Variants in OR2A25 observed in about 807,000 individuals in gnomAD.
OR2A25 encodes the protein olfactory receptor family 2 subfamily A member 25.
For missense variants in OR2A25, 362 were observed against 368.3 expected (o/e 0.98, Z 0.14); for synonymous variants, 162 against 148.1 (o/e 1.09, Z -0.68).
chr7:144,075,015 C>T lies in OR2A25; in HGVS notation c.796C>T (p.Pro266Ser), dbSNP rs1395954638. The T allele has an allele frequency of 6.2e-7, 1 of 1,614,094 alleles. No individual in the cohort carries two copies. Among genetic ancestry groups the T allele is most frequent in the South Asian group, 1.1e-5 (1 of 91,076 alleles). ...GTATGTTGAGCCCCAGTATGAGAGC[C>T]CCAAGGAGCAGAAGAAATATCTCCT... ...IMYVEPQYES[P>S]KEQKKYLLLF... The change falls in exon 2 of 2, where the codon CCC becomes TCC. Residue 266 changes from proline (P) to serine (S), a missense_variant. By Grantham distance (74) the Pro-to-Ser change is moderately conservative. Coordinates refer to ENST00000641663, the MANE Select transcript of OR2A25 (RefSeq NM_001386096.1).
rs11409595 is a variant in OR2A25 at position 144,075,830 on chromosome 7, C to CA, written c.*692dup. 64,854 of 127,102 alleles carry CA rather than the reference C, an allele frequency of 0.51. 15,921 individuals are homozygous for CA. The highest frequency in any genetic ancestry group is 0.63 in the African/African-American group (21,702 of 34,540). 7.9% of individuals were successfully genotyped at this position (127,102 alleles called of 1,614,324 possible). A position where few individuals can be genotyped will look rare whatever the true frequency, so the allele number is the denominator to read the frequency against. The stretch of plus-strand genomic sequence containing the variant: ...TGGGGGACACAGCGAGACTCCGTCT[C>CA]AAAAAAAAAAAAAAGAAAGTGTCAT... On this transcript the variant is annotated 3_prime_UTR_variant, in exon 2 of 2. Transcript: ENST00000641663.
At chr7:144,072,412 T>G (rs1167404136) in intron 1 of OR2A25, among the ~76,000 whole-genome samples, 1 of 152,098 alleles carries the variant, frequency 6.6e-6, no homozygotes, top group African/African-American at 2.4e-5. Flanking sequence ...ACATGATAGT[T>G]AAGAAGCTAT....
chr7:144,070,099 G>A (rs1024410927), intron 1 of OR2A25, among the ~76,000 whole-genome samples: 12 of 152,080 alleles, frequency 7.9e-5, no homozygotes, highest in African/African-American at 2.4e-4. Context: ...TACAGGGAGA[G>A]CCCTTTTCCC....
At chr7:144,070,632 G>T (rs1248497396) in intron 1 of OR2A25, among the ~76,000 whole-genome samples, 1 of 151,738 alleles carries the variant, frequency 6.6e-6, no homozygotes, top group Admixed American at 6.6e-5. Context: ...TTGTTTGTGG[G>T]GGGTTGCCTC....
Position 144,074,296 on chromosome 7 carries a change from T to C in OR2A25, c.77T>C (p.Leu26Pro). 6.2e-7 allele frequency: 1 copy of C among 1,614,022 alleles called. No individual in the cohort carries two copies. The highest frequency in any genetic ancestry group is 8.5e-7 in the Non-Finnish European group (1 of 1,179,906). Reference protein sequence around the residue: ...FPIGPRIQMLLFGLFSLFYIF... With the variant: ...FPIGPRIQMLPFGLFSLFYIF... ...ATTGGCCCAAGGATTCAGATGCTCC[T>C]CTTTGGGCTCTTCTCCCTGTTCTAC... Residue 26 changes from leucine (L) to proline (P), a missense_variant, in exon 2 of 2, where the codon CTC (leucine) becomes CCC (proline). Leu to Pro is a moderately conservative substitution (Grantham distance 98). Coordinates refer to ENST00000641663, the MANE Select transcript of OR2A25 (RefSeq NM_001386096.1).
Position 144,074,693 on chromosome 7 carries a change from T to G in OR2A25, c.474T>G (p.His158Gln), listed in dbSNP as rs376429492. 96 of 1,614,142 alleles carry G rather than the reference T, an allele frequency of 5.9e-5. 1 individual carries two copies. The African/African-American group carries it at 8.4e-4, about 14-fold the overall frequency. ...TAGGAGTCTTATTGGCCCTTGTCCA[T>G]CTAGTGTTACTGCTACCACTGTCCT... ...WILGVLLALVHLVLLLPLSFC... is the reference protein window; with the variant it reads ...WILGVLLALVQLVLLLPLSFC... The change falls in exon 2 of 2, where the codon CAT (histidine) becomes CAG (glutamine). Residue 158 changes from histidine (H) to glutamine (Q), a missense_variant. Physicochemically the swap from His to Gln is conservative, Grantham distance 24. Transcript: ENST00000641663.
In OR2A25 at chr7:144,074,606, C is replaced by G. The variant is rs1036578698; in HGVS notation, c.387C>G (p.Leu129=). ...GGTACGTGGCCATCTGCCACCCTCT[C>G]CGATATTCTACCATCATGACCTGGA... is the stretch of plus-strand genomic sequence containing the variant. ...YDRYVAICHP[L]RYSTIMTWKV... Residue 129 remains leucine (L), a synonymous_variant, in exon 2 of 2, where the codon CTC becomes CTG. Transcript: ENST00000641663. 17 of 1,614,080 alleles carry G rather than the reference C, an allele frequency of 1.1e-5. No homozygotes were observed. In the African/African-American group the frequency reaches 1.5e-4, roughly 14 times the overall value.
rs202246988 is a variant in OR2A25 at position 144,074,917 on chromosome 7, G to T, written c.698G>T (p.Cys233Phe). Residue 233 changes from cysteine (C) to phenylalanine (F), a missense_variant, in exon 2 of 2, where the codon TGC (cysteine) becomes TTC (phenylalanine). By Grantham distance (205) the Cys-to-Phe change is radical. Coordinates refer to ENST00000641663, the MANE Select transcript of OR2A25 (RefSeq NM_001386096.1). ...AILKIQSGEG[C>F]QKAFSICSSH... ...CTAAAGATCCAGTCAGGAGAGGGGT[G>T]CCAGAAAGCCTTCTCCATCTGCTCC... is the stretch of plus-strand genomic sequence containing the variant. The T allele has an allele frequency of 8.7e-6, 14 of 1,613,930 alleles. No individual in the cohort carries two copies. The highest frequency in any genetic ancestry group is 1.2e-5 in the Non-Finnish European group (14 of 1,179,962).
At chr7:144,073,602 T>C (rs2128800253) in intron 1 of OR2A25, among the ~76,000 whole-genome samples, 1 of 152,272 alleles carries the variant, frequency 6.6e-6, no homozygotes, top group Middle Eastern at 3.4e-3. Context: ...AGACCCTCTA[T>C]GGGTACAAAA....
In OR2A25 at chr7:144,074,289, A is replaced by G. The variant is rs200844847; in HGVS notation, c.70A>G (p.Met24Val). The G allele has an allele frequency of 1.2e-6, 2 of 1,613,932 alleles. No homozygotes were observed. Among genetic ancestry groups the G allele is most frequent in the Non-Finnish European group, 8.5e-7 (1 of 1,179,880 alleles). Residue 24 changes from methionine to valine, a missense_variant, in exon 2 of 2, where the codon ATG (methionine) becomes GTG (valine). Met to Val is a conservative substitution (Grantham distance 21). Transcript: ENST00000641663. Reference protein sequence around the residue: ...LGFPIGPRIQMLLFGLFSLFY... With the variant: ...LGFPIGPRIQVLLFGLFSLFY... ...ATTTCCCATTGGCCCAAGGATTCAG[A>G]TGCTCCTCTTTGGGCTCTTCTCCCT... is the stretch of plus-strand genomic sequence containing the variant.
Position 144,074,525 on chromosome 7 carries a change from G to C in OR2A25, c.306G>C (p.Leu102=). 2 of 1,614,210 alleles carry C rather than the reference G, an allele frequency of 1.2e-6. No individual in the cohort carries two copies. The highest frequency in any genetic ancestry group is 1.3e-5 in the African/African-American group (1 of 75,052). ...SFAGCMTQMF[L]FLSFAHTECL... ...CTGGCTGCATGACCCAGATGTTTCT[G>C]TTTTTGAGTTTTGCACATACAGAAT... The change falls in exon 2 of 2, where the codon CTG becomes CTC. Residue 102 remains leucine, a synonymous_variant. Transcript: ENST00000641663.
intron 1 of OR2A25, among the ~76,000 whole-genome samples, chr7:144,073,169 C>A (rs1409425410): frequency 6.6e-6 from 1 of 151,886 alleles, no homozygotes. Flanking sequence ...ACCTAGTGTT[C>A]AATGGATTAG....
chr7:144,074,838 G>A lies in OR2A25; in HGVS notation c.619G>A (p.Val207Met). 1 of 1,614,188 alleles carries A rather than the reference G, an allele frequency of 6.2e-7. No individual in the cohort carries two copies. Among genetic ancestry groups the A allele is most frequent in the Non-Finnish European group, 8.5e-7 (1 of 1,180,042 alleles). ...TTTGGCAGGGGCAGTGTCTGTGCTGGTGGGAGCCTTCTTTTCCACTGTAAT... is the reference window on the plus strand; with the variant it reads ...TTTGGCAGGGGCAGTGTCTGTGCTGATGGGAGCCTTCTTTTCCACTGTAAT... ...MVLAGAVSVL[V>M]GAFFSTVISY... The change falls in exon 2 of 2, where the codon GTG becomes ATG. Residue 207 changes from valine (V) to methionine (M), a missense_variant. Transcript: ENST00000641663.
At chr7:144,070,658 C>T (rs994056169) in intron 1 of OR2A25, among the ~76,000 whole-genome samples, 2 of 151,792 alleles carry the variant, frequency 1.3e-5, no homozygotes, top group African/African-American at 4.8e-5. Flanking sequence ...TCTATTGCCT[C>T]ATGAAATTAA....
chr7:144,072,882 A>G (rs966924642), intron 1 of OR2A25, among the ~76,000 whole-genome samples: 6 of 152,216 alleles, frequency 3.9e-5, no homozygotes, highest in Non-Finnish European at 8.8e-5. Flanking sequence ...TGTGATATAT[A>G]TACACAATGG....
chr7:144,074,951 C>T lies in OR2A25; in HGVS notation c.732C>T (p.Leu244=). The T allele has an allele frequency of 6.2e-7, 1 of 1,614,150 alleles. No individual in the cohort carries two copies. The highest frequency in any genetic ancestry group is 8.5e-7 in the Non-Finnish European group (1 of 1,180,018). Residue 244 remains leucine, a synonymous_variant, in exon 2 of 2, where the codon CTC becomes CTT. Transcript: ENST00000641663. ...QKAFSICSSH[L]CVVGLFYGTA... is the part of the protein sequence containing the mutation. ...CCTTCTCCATCTGCTCCTCCCACCT[C>T]TGTGTGGTTGGACTCTTTTATGGCA...
chr7:144,074,395 A>T lies in OR2A25; in HGVS notation c.176A>T (p.Tyr59Phe), dbSNP rs2051091539. 2 of 1,613,968 alleles carry T rather than the reference A, an allele frequency of 1.2e-6. No individual in the cohort carries two copies. Among genetic ancestry groups the T allele is most frequent in the Admixed American group, 3.3e-5 (2 of 59,982 alleles). The stretch of plus-strand genomic sequence containing the variant: ...GACTCCAGACTCCACACCCCCATGT[A>T]CTTCTTCCTCTCACACCTGGCGGTC... Reference protein sequence around the residue: ...SLDSRLHTPMYFFLSHLAVVD... With the variant: ...SLDSRLHTPMFFFLSHLAVVD... Residue 59 changes from tyrosine to phenylalanine, a missense_variant, in exon 2 of 2, where the codon TAC becomes TTC. Transcript: ENST00000641663.
Position 144,075,195 on chromosome 7 carries a change from G to T in OR2A25, c.*43G>T. Reference sequence around the variant, plus strand: ...AAAATAGCTGGCTTCAAAGGGCTTTGAGATTACATCTGAACCCATCCCTAC... The same window carrying T: ...AAAATAGCTGGCTTCAAAGGGCTTTTAGATTACATCTGAACCCATCCCTAC... On this transcript the variant is annotated 3_prime_UTR_variant, in exon 2 of 2. Transcript: ENST00000641663. 7.2e-7 allele frequency: 1 copy of T among 1,390,930 alleles called. No homozygotes were observed. Among genetic ancestry groups the T allele is most frequent in the South Asian group, 1.3e-5 (1 of 77,986 alleles). 86.2% of individuals were successfully genotyped at this position (1,390,930 alleles called of 1,614,324 possible).
chr7:144,074,901 C>T lies in OR2A25; in HGVS notation c.682C>T (p.Gln228Ter), dbSNP rs1230889604. 6.2e-7 allele frequency: 1 copy of T among 1,614,094 alleles called. No homozygotes were observed. Among genetic ancestry groups the T allele is most frequent in the East Asian group, 2.2e-5 (1 of 44,876 alleles). The change falls in exon 2 of 2, where the codon CAG becomes TAG. Residue 228 changes from glutamine (Q) to a stop codon, truncating the protein, a stop_gained. Transcript: ENST00000641663. LOFTEE classifies it low-confidence loss of function (END_TRUNC). ...VHILCAILKI[Q>*]SGEGCQKAFS... ...TATTCTATGTGCCATTCTAAAGATCCAGTCAGGAGAGGGGTGCCAGAAAGC... is the reference window on the plus strand; with the variant it reads ...TATTCTATGTGCCATTCTAAAGATCTAGTCAGGAGAGGGGTGCCAGAAAGC...
Sources: gnomAD v4.1 joint callset for allele counts (sites outside exome capture counted in the v4.1 genomes callset) on GRCh38, gnomAD v4.1.1 for gene constraint, MANE v1.5 for transcripts, NCBI Gene and HGNC (gene_info 2026-07-23, HGNC 2026-07-21) for gene names.